Variants in RALGPS1 observed in about 807,000 individuals in gnomAD.
RALGPS1 encodes the protein ras-specific guanine nucleotide-releasing factor RalGPS1.
In RALGPS1, 19 loss-of-function variants were observed where a neutral mutation model predicts 78.8. That is an observed-to-expected ratio of 0.24 (90% CI 0.17 to 0.35). The LOEUF is 0.35. Among genes scored for constraint, RALGPS1 ranks in the 10% least tolerant of loss-of-function variants. RALGPS1 has a pLI of 1.00. For synonymous variants in RALGPS1, 228 were observed against 256.3 expected (o/e 0.89, Z 1.06); for missense variants, 454 against 688.3 (o/e 0.66, Z 3.81).
chr9:126,952,652 A>AGTGTGTGTGTGT (rs768212640), intron 1 of RALGPS1, among the ~76,000 whole-genome samples: 1,642 of 122,042 alleles, frequency 0.013, 24 homozygotes, highest in Non-Finnish European at 0.019. Context: ...AGAGAGAGAG[A>AGTGTGTGTGTGT]GAGAGTGTGT....
At chr9:127,168,981 A>G (rs974568961) in intron 10 of RALGPS1, among the ~76,000 whole-genome samples, 2 of 152,228 alleles carry the variant, frequency 1.3e-5, no homozygotes, top group Admixed American at 1.3e-4. Context: ...CGCAGTGGTG[A>G]TGTCTGAACA....
intron 1 of RALGPS1, among the ~76,000 whole-genome samples, chr9:126,960,132 C>T (rs771830652): frequency 6.6e-6 from 1 of 151,364 alleles, no homozygotes; most frequent in African/African-American, 2.4e-5. Context: ...TTTTTGGTTG[C>T]TTGCCCCTGT....
At chr9:127,032,212 G>A (rs865922095) in intron 4 of RALGPS1, among the ~76,000 whole-genome samples, 14 of 152,190 alleles carry the variant, frequency 9.2e-5, no homozygotes, top group African/African-American at 3.4e-4. Context: ...TGAGAAACTA[G>A]AAGTTCTGAG....
At chr9:127,132,645 A>G (rs1468089293) in intron 8 of RALGPS1, among the ~76,000 whole-genome samples, 1 of 152,266 alleles carries the variant, frequency 6.6e-6, no homozygotes, top group Admixed American at 6.5e-5. Flanking sequence ...TACTAGAGTC[A>G]GAGGGACCTG....
At chr9:126,963,797 G>A (rs1018168012) in intron 2 of RALGPS1, among the ~76,000 whole-genome samples, 5 of 152,156 alleles carry the variant, frequency 3.3e-5, no homozygotes, top group African/African-American at 7.2e-5. Flanking sequence ...CCTGACTCTC[G>A]AGCCGGTGCT....
intron 4 of RALGPS1, among the ~76,000 whole-genome samples, chr9:126,990,414 T>C (rs1207934091): frequency 1.3e-5 from 2 of 152,216 alleles, no homozygotes; most frequent in Non-Finnish European, 2.9e-5. Flanking sequence ...CTGCCCTGCT[T>C]AGCGCCCTCT....
chr9:126,944,257 C>T (rs113982535), intron 1 of RALGPS1, among the ~76,000 whole-genome samples: 1 of 152,210 alleles, frequency 6.6e-6, no homozygotes, highest in African/African-American at 2.4e-5. Context: ...AAGAGAAGGC[C>T]TTGAATAGGT....
chr9:127,064,816 A>T (rs1423670865), intron 7 of RALGPS1, among the ~76,000 whole-genome samples: 1 of 152,214 alleles, frequency 6.6e-6, no homozygotes, highest in Non-Finnish European at 1.5e-5. Context: ...TCAAGTAGTA[A>T]ACTATGAATA....
chr9:127,124,329 C>T (rs941100382), intron 8 of RALGPS1, among the ~76,000 whole-genome samples: 2 of 152,200 alleles, frequency 1.3e-5, no homozygotes, highest in Admixed American at 1.3e-4. Context: ...CAGCTAGAGG[C>T]CACACACAGT....
At chr9:127,106,830 G>T (rs1358546833) in intron 8 of RALGPS1, 1 of 152,198 alleles carries the variant, frequency 6.6e-6, no homozygotes, top group African/African-American at 2.4e-5. Context: ...AGTACTGGTG[G>T]TTATTTTTAA....
At chr9:127,144,844 C>T (rs1361125891) in intron 8 of RALGPS1, among the ~76,000 whole-genome samples, 3 of 152,080 alleles carry the variant, frequency 2.0e-5, no homozygotes, top group Non-Finnish European at 4.4e-5. Context: ...GGCTGGAAAG[C>T]GGGGAATGGG....
rs2042153202 is a variant in RALGPS1, at chr9:126,990,104, T to C, written c.216+12359T>C. 4 of 1,320,682 alleles carry C rather than the reference T, an allele frequency of 3.0e-6. No homozygotes were observed. The Admixed American group carries it at 7.0e-5, about 23-fold the overall frequency. The allele number at this position is 1,320,682 out of a possible 1,614,324, so 81.8% of individuals were successfully genotyped here. Reference sequence around the variant, plus strand: ...GGACGTCGGACAAACCCTGTGTGTCTTTGCTGCTCCTTGGAATCAGTGTTT... The same window carrying C: ...GGACGTCGGACAAACCCTGTGTGTCCTTGCTGCTCCTTGGAATCAGTGTTT... On this transcript the variant is annotated intron_variant, in intron 4 of 18. Transcript: ENST00000259351.
chr9:127,182,422 CTTCCTTCCT>C (rs1192733089), intron 11 of RALGPS1, among the ~76,000 whole-genome samples: 2 of 136,240 alleles, frequency 1.5e-5, no homozygotes, highest in African/African-American at 5.6e-5. Context: ...TCCTTCCTCC[CTTCCTTCCT>C]TCCTTTTTTT....
chr9:127,216,434 T>C (rs2062582891), intron 18 of RALGPS1, among the ~76,000 whole-genome samples: 1 of 152,218 alleles, frequency 6.6e-6, no homozygotes, highest in Non-Finnish European at 1.5e-5. Context: ...TGTTTAAGAA[T>C]GTTCACTGCA....
intron 1 of RALGPS1, among the ~76,000 whole-genome samples, chr9:126,948,749 C>T (rs527517768): frequency 7.9e-5 from 12 of 152,018 alleles, no homozygotes; most frequent in South Asian, 2.1e-4. Context: ...TAAACATAGG[C>T]GCTTCCCTTC....
At position 127,057,762 on chromosome 9, in the gene RALGPS1, G is replaced by A. The variant is rs545142499; in HGVS notation, c.483+4823G>A. Among the ~76,000 whole-genome samples the A allele has an allele frequency of 2.0e-5, 3 of 152,334 alleles. No individual in the cohort carries two copies. In the East Asian group the frequency reaches 5.8e-4, roughly 29 times the overall value. ...TCTGCAAATCAAACATTTCTCAAAT[G>A]TCAGGCCCTGAAGCCATAGTCAAGG... On this transcript the variant is annotated intron_variant, in intron 7 of 18. Transcript: ENST00000259351.
chr9:126,943,159 G>A (rs1311595447), intron 1 of RALGPS1, among the ~76,000 whole-genome samples: 1 of 151,406 alleles, frequency 6.6e-6, no homozygotes, highest in African/African-American at 2.4e-5. Flanking sequence ...TCTTTTTTGA[G>A]ATGGAGTCTT....
At chr9:127,141,662 T>C (rs1005822108) in intron 8 of RALGPS1, among the ~76,000 whole-genome samples, 1 of 147,798 alleles carries the variant, frequency 6.8e-6, no homozygotes. Flanking sequence ...ACTGTCCTTA[T>C]CATTTCCTGG....
At chr9:127,017,658 C>T (rs2044983427) in intron 4 of RALGPS1, among the ~76,000 whole-genome samples, 1 of 152,178 alleles carries the variant, frequency 6.6e-6, no homozygotes, top group Admixed American at 6.5e-5. Context: ...TTTGTAATAA[C>T]ACTTAGCTTA....
Sources: gnomAD v4.1 joint callset for allele counts (sites outside exome capture counted in the v4.1 genomes callset) on GRCh38, gnomAD v4.1.1 for gene constraint, MANE v1.5 for transcripts, NCBI Gene and HGNC (gene_info 2026-07-23, HGNC 2026-07-21) for gene names.